TRIP13: variants seen among roughly 807,000 people sequenced by gnomAD.
TRIP13 encodes the protein thyroid hormone receptor interactor 13.
TRIP13 carries 25 observed loss-of-function variants against 54.4 expected under a neutral mutation model. That is an observed-to-expected ratio of 0.46 (90% CI 0.33 to 0.64). The LOEUF is 0.64. Among genes scored for constraint, TRIP13 ranks in the 30% least tolerant of loss-of-function variants. The pLI is 0.02. For synonymous variants in TRIP13, 207 were observed against 207.8 expected (o/e 1.00, Z 0.03); for missense variants, 373 against 534.2 (o/e 0.70, Z 2.97).
At chr5:914,940 C>T (rs1216307454) in intron 11 of TRIP13, among the ~76,000 whole-genome samples, 1 of 152,046 alleles carries the variant, frequency 6.6e-6, no homozygotes, top group Non-Finnish European at 1.5e-5. Context: ...TCAAACGGTG[C>T]CTTGAAGGAT....
In TRIP13 at chr5:907,845, T is replaced by C. The variant is rs1754147492; in HGVS notation, c.673-143T>C. 1.3e-6 allele frequency: 1 copy of C among 756,552 alleles called. No individual in the cohort carries two copies. Among genetic ancestry groups the C allele is most frequent in the Non-Finnish European group, 2.2e-6 (1 of 445,856 alleles). 46.9% of individuals were successfully genotyped at this position (756,552 alleles called of 1,614,324 possible). ...TCCTCCCATGCTGCCCTAGCTTCTC[T>C]GATTTAGGGAGCTTTCTGAGGGGCC... On this transcript the variant is annotated intron_variant, in intron 7 of 12. Transcript: ENST00000166345. This position sits in a 1 kb window ranked among gnomAD's most constrained non-coding sequence, Gnocchi z 4.1.
intron 5 of TRIP13, 112 bp from the exon 6 acceptor site, chr5:904,036 A>G: frequency 1.1e-6 from 1 of 945,564 alleles, no homozygotes; most frequent in Non-Finnish European, 1.6e-6. Context: ...AATAACATTA[A>G]TAGCTTTTAA....
chr5:910,230 C>T (rs1754202270), intron 9 of TRIP13, among the ~76,000 whole-genome samples: 1 of 152,214 alleles, frequency 6.6e-6, no homozygotes, highest in South Asian at 2.1e-4. Context: ...TTGCACAGCG[C>T]TGACACCCTG....
chr5:892,899 G>A lies in TRIP13; in HGVS notation c.-100G>A. 1 of 1,226,994 alleles carries A rather than the reference G, an allele frequency of 8.2e-7. No individual in the cohort carries two copies. Among genetic ancestry groups the A allele is most frequent in the Non-Finnish European group, 1.1e-6 (1 of 930,036 alleles). The allele number at this position is 1,226,994 out of a possible 1,614,324, so 76.0% of individuals were successfully genotyped here. A position where few individuals can be genotyped will look rare whatever the true frequency, so the allele number is the denominator to read the frequency against. On this transcript the variant is annotated 5_prime_UTR_variant, in exon 1 of 13. Transcript: ENST00000166345. ...CTCGCGCGGCAGATTCGAAGCTAGG[G>A]CGGGGCCCGCGGGCTGAGGCAGCGG...
intron 11 of TRIP13, 137 bp downstream of exon 11, chr5:914,714 T>TAC: frequency 1.5e-6 from 1 of 660,520 alleles, no homozygotes; most frequent in South Asian, 1.6e-5. Context: ...AACATGCATG[T>TAC]ACACACGTGT....
At chr5:900,911 A>G (rs868543186) in intron 4 of TRIP13, among the ~76,000 whole-genome samples, 1 of 152,200 alleles carries the variant, frequency 6.6e-6, no homozygotes. Flanking sequence ...GCAGCTGGCT[A>G]GAAGACTATC....
At chr5:905,490 T>C (rs1437977041) in intron 6 of TRIP13, among the ~76,000 whole-genome samples, 1 of 152,238 alleles carries the variant, frequency 6.6e-6, no homozygotes, top group African/African-American at 2.4e-5. Flanking sequence ...TCAGACTCCC[T>C]GAACTCCAAT....
intron 6 of TRIP13, among the ~76,000 whole-genome samples, chr5:905,856 C>A (rs1754103805): frequency 2.0e-5 from 3 of 152,174 alleles, no homozygotes; most frequent in Admixed American, 2.0e-4. Flanking sequence ...TATTTTGACC[C>A]CTTAGCTTAT....
intron 5 of TRIP13, 46 bp downstream of exon 5, chr5:901,477 T>G: frequency 6.3e-7 from 1 of 1,590,510 alleles, no homozygotes; most frequent in South Asian, 1.1e-5. Context: ...GGCATGAAAT[T>G]TAGCCTTTAC....
chr5:904,351 T>C, intron 6 of TRIP13, 131 bp downstream of exon 6: 1 of 709,546 alleles, frequency 1.4e-6, no homozygotes, highest in Non-Finnish European at 2.3e-6. Flanking sequence ...TTGATTCCTC[T>C]GTATTCAGCA....
chr5:907,102 TTC>T lies in TRIP13; in HGVS notation c.609-23_609-22del. ...GAGGATCCACAGGACCAGTTAGTAA[TTC>T]TCTCAACTCCTTTTTTCTATCTCAG... is the stretch of plus-strand genomic sequence containing the variant. On this transcript the variant is annotated intron_variant, in intron 6 of 12. Coordinates refer to ENST00000166345, the MANE Select transcript of TRIP13 (RefSeq NM_004237.4). This position sits in a 1 kb window ranked among gnomAD's most constrained non-coding sequence, Gnocchi z 4.1. 1.2e-6 allele frequency: 2 copies of T among 1,607,412 alleles called. No individual in the cohort carries two copies.
chr5:914,491 G>A lies in TRIP13; in HGVS notation c.1047G>A (p.Gln349=). 6.2e-7 allele frequency: 1 copy of A among 1,613,350 alleles called. No homozygotes were observed. The highest frequency in any genetic ancestry group is 8.5e-7 in the Non-Finnish European group (1 of 1,179,876). ...MKCQIIYPRQ[Q]LLTLRELEMI... ...GTCAGATCATATACCCTCGCCAGCA[G>A]CTGCTGACCCTCCGAGAGCTAGAGA... Residue 349 remains glutamine, a synonymous_variant, in exon 11 of 13, where the codon CAG becomes CAA. Coordinates refer to ENST00000166345, the MANE Select transcript of TRIP13 (RefSeq NM_004237.4).
intron 9 of TRIP13, among the ~76,000 whole-genome samples, chr5:909,496 C>A (rs936477047): frequency 6.6e-6 from 1 of 152,120 alleles, no homozygotes; most frequent in Non-Finnish European, 1.5e-5. Context: ...TATCTGGCTT[C>A]CTGAGAAGCG....
At position 892,974 on chromosome 5, in the gene TRIP13, G is replaced by T. The variant is rs1753696689; in HGVS notation, c.-25G>T. 6.5e-7 allele frequency: 1 copy of T among 1,531,636 alleles called. No individual in the cohort carries two copies. The highest frequency in any genetic ancestry group is 2.0e-5 in the Admixed American group (1 of 49,522). The allele number at this position is 1,531,636 out of a possible 1,614,324, so 94.9% of individuals were successfully genotyped here. Reference sequence around the variant, plus strand: ...GGTGGCGGCGGCCGCGCCCTGGTTGGGTCCCCACTGCTCTCGGGGGCGCCA... The same window carrying T: ...GGTGGCGGCGGCCGCGCCCTGGTTGTGTCCCCACTGCTCTCGGGGGCGCCA... On this transcript the variant is annotated 5_prime_UTR_variant, in exon 1 of 13. Coordinates refer to ENST00000166345, the MANE Select transcript of TRIP13 (RefSeq NM_004237.4).
rs886569389 is a variant in TRIP13, at chr5:917,696, A to G, written c.*593A>G. 3.3e-5 allele frequency: 5 copies of G among 152,332 alleles called. No homozygotes were observed. Among genetic ancestry groups the G allele is most frequent in the African/African-American group, 1.2e-4 (5 of 41,466 alleles). 9.4% of individuals were successfully genotyped at this position (152,332 alleles called of 1,614,324 possible). On this transcript the variant is annotated 3_prime_UTR_variant, in exon 13 of 13. Coordinates refer to ENST00000166345, the MANE Select transcript of TRIP13 (RefSeq NM_004237.4). ...GTAAAGTGTTCTTTCATAATAAATA[A>G]TCAGACATGGTCCCATTTGCAGGAA... is the stretch of plus-strand genomic sequence containing the variant.
intron 11 of TRIP13, 116 bp downstream of exon 11, chr5:914,693 G>T (rs912614812): frequency 6.5e-6 from 5 of 771,292 alleles, no homozygotes; most frequent in Non-Finnish European, 1.1e-5. Flanking sequence ...TCTCAACACA[G>T]TATAGGTATG....
At position 913,547 on chromosome 5, in the gene TRIP13, G is replaced by C. The variant is rs7727452; in HGVS notation, c.1021-918G>C. Among the ~76,000 whole-genome samples the C allele has an allele frequency of 0.055, 8,407 of 152,108 alleles. 607 individuals carry two copies. The highest frequency in any genetic ancestry group is 0.16 in the East Asian group (826 of 5,168). On this transcript the variant is annotated intron_variant, in intron 10 of 12. Transcript: ENST00000166345. The surrounding 1 kb of genome is among the most constrained non-coding windows in gnomAD (Gnocchi z 4.5). ...ATTTTTGTATTTTCAGTAGAGAAAG[G>C]GTTTCATCATGTTGGCCTGGCTGGT...
chr5:893,611 G>A, intron 1 of TRIP13: 1 of 184,156 alleles, frequency 5.4e-6, no homozygotes, highest in Non-Finnish European at 1.2e-5. Context: ...TCAGTTCATG[G>A]TATGGTGGGG....
At chr5:906,595 T>G (rs1314310326) in intron 6 of TRIP13, among the ~76,000 whole-genome samples, 1 of 152,202 alleles carries the variant, frequency 6.6e-6, no homozygotes, top group Non-Finnish European at 1.5e-5. Context: ...GGCCTCAGTC[T>G]TGTTCTCTGG....
Sources: allele counts gnomAD v4.1 joint callset (sites outside exome capture counted in the v4.1 genomes callset), GRCh38; gene constraint gnomAD v4.1.1; non-coding constraint Gnocchi (gnomAD v3.1); transcripts MANE v1.5; gene names NCBI Gene and HGNC (gene_info 2026-07-23, HGNC 2026-07-21).